The following BCKDHB variants were observed in gnomAD, a reference collection of about 807,000 sequenced individuals.
The protein encoded by BCKDHB is 2-oxoisovalerate dehydrogenase subunit beta, mitochondrial.
In BCKDHB, 41 loss-of-function variants were observed where a neutral mutation model predicts 48.5. That is an observed-to-expected ratio of 0.85 (90% CI 0.66 to 1.10). The LOEUF (loss-of-function observed/expected upper bound fraction) is 1.10. Ranked by LOEUF, BCKDHB falls within the 50% of genes least tolerant of loss-of-function variation. The probability of loss-of-function intolerance (pLI) is 0.00; values close to 1 mark genes in which losing one functional copy is unlikely to be tolerated. For missense variants in BCKDHB, 496 were observed against 494.2 expected (o/e 1.00, Z -0.03); for synonymous variants, 201 against 174.8 (o/e 1.15, Z -1.18).
chr6:80,458,469 G>A, the BCKDHB span, among the ~76,000 whole-genome samples: 1 of 152,316 alleles, frequency 6.6e-6, no homozygotes, highest in South Asian at 2.1e-4. Flanking sequence ...AAGGCAGACA[G>A]TGTGTATGGT....
chr6:80,410,688 A>T, the BCKDHB span, among the ~76,000 whole-genome samples: 2 of 152,090 alleles, frequency 1.3e-5, no homozygotes, highest in Non-Finnish European at 2.9e-5. Context: ...TTATTTCATT[A>T]ATTTGATCTT....
intron 7 of BCKDHB, among the ~76,000 whole-genome samples, chr6:80,202,813 A>G (rs1293713625): frequency 6.9e-6 from 1 of 144,588 alleles, no homozygotes; most frequent in Non-Finnish European, 1.5e-5. Flanking sequence ...CATGCTTTCT[A>G]CGTATTTGTA....
In BCKDHB at chr6:80,129,365, C is replaced by G. The variant is rs368796342; in HGVS notation, c.343+136C>G. 1.4e-5 allele frequency: 10 copies of G among 710,260 alleles called. No homozygotes were observed. In the Admixed American group the frequency reaches 2.1e-4, roughly 15 times the overall value. The allele number at this position is 710,260 out of a possible 1,614,324, so 44.0% of individuals were successfully genotyped here. ...ATTCCTTTTCATTTCCAACGCCACC[C>G]GCAGAATCCTTTGGCCTATATTTTC... On this transcript the variant is annotated intron_variant, in intron 3 of 9. Transcript: ENST00000320393.
the BCKDHB span, chr6:80,374,207 T>C: frequency 0.43 from 314,830 of 727,928 alleles, 73,366 homozygotes; most frequent in Admixed American, 0.65. Context: ...TCTTAGATGC[T>C]TTATTCATTT....
chr6:80,152,582 T>G (rs1771841718), intron 3 of BCKDHB, among the ~76,000 whole-genome samples: 1 of 152,156 alleles, frequency 6.6e-6, no homozygotes, highest in Non-Finnish European at 1.5e-5. Context: ...CATGACAGGG[T>G]GATTTCCAAA....
At chr6:80,214,696 CAT>C (rs1325230255) in intron 8 of BCKDHB, among the ~76,000 whole-genome samples, 1 of 152,180 alleles carries the variant, frequency 6.6e-6, no homozygotes, top group Non-Finnish European at 1.5e-5. Flanking sequence ...GTAAATTAAA[CAT>C]ATGTTATAAT....
the BCKDHB span, among the ~76,000 whole-genome samples, chr6:80,437,446 T>G: frequency 6.6e-6 from 1 of 152,180 alleles, no homozygotes; most frequent in Admixed American, 6.5e-5. Context: ...TTTAACCTTG[T>G]GTTGGCTTCA....
chr6:80,110,877 C>T (rs923316715), intron 1 of BCKDHB, among the ~76,000 whole-genome samples: 28 of 152,308 alleles, frequency 1.8e-4, no homozygotes, highest in South Asian at 2.1e-4. Flanking sequence ...TTGGCTGGCA[C>T]TGCTGTTTTA....
intron 8 of BCKDHB, among the ~76,000 whole-genome samples, chr6:80,242,805 T>G (rs963401147): frequency 6.6e-6 from 1 of 152,064 alleles, no homozygotes; most frequent in Non-Finnish European, 1.5e-5. Flanking sequence ...ATCTGGGGTA[T>G]AATAGTCCAC....
the BCKDHB span, among the ~76,000 whole-genome samples, chr6:80,419,046 G>A: frequency 6.6e-6 from 1 of 152,304 alleles, no homozygotes; most frequent in African/African-American, 2.4e-5. Flanking sequence ...TAGCATCAGA[G>A]CACAGTGCTC....
intron 8 of BCKDHB, among the ~76,000 whole-genome samples, chr6:80,254,079 C>G (rs998828454): frequency 1.1e-4 from 16 of 151,762 alleles, no homozygotes; most frequent in Non-Finnish European, 8.8e-5. Flanking sequence ...TGCAATGTGC[C>G]TCAGGTGTCA....
chr6:80,140,293 A>C lies in BCKDHB; in HGVS notation c.343+11064A>C, dbSNP rs532673376. ...CTCTTTTCCTAATTGAATACCTTTT[A>C]TTTCCTTCTCCTGCCTAATTGCCCT... On this transcript the variant is annotated intron_variant, in intron 3 of 9. Transcript: ENST00000320393. Among the ~76,000 whole-genome samples the C allele has an allele frequency of 1.7e-3, 260 of 152,224 alleles. 1 individual carries two copies. Among genetic ancestry groups the C allele is most frequent in the African/African-American group, 5.9e-3 (246 of 41,534 alleles).
At chr6:80,256,482 C>G (rs1024710544) in intron 8 of BCKDHB, among the ~76,000 whole-genome samples, 1 of 152,142 alleles carries the variant, frequency 6.6e-6, no homozygotes, top group Admixed American at 6.5e-5. Context: ...GGTTTATAAT[C>G]TTATGAGGCT....
At chr6:80,175,184 T>C (rs770061531) in intron 6 of BCKDHB, among the ~76,000 whole-genome samples, 13 of 152,094 alleles carry the variant, frequency 8.5e-5, no homozygotes, top group Non-Finnish European at 1.6e-4. Flanking sequence ...ATGCCACATA[T>C]GTATTTCAGC....
At chr6:80,131,972 A>T (rs543277367) in intron 3 of BCKDHB, among the ~76,000 whole-genome samples, 1 of 152,196 alleles carries the variant, frequency 6.6e-6, no homozygotes, top group East Asian at 1.9e-4. Flanking sequence ...TTAGGTAGCT[A>T]CCTGACCTCA....
At chr6:80,134,615 G>A (rs891034681) in intron 3 of BCKDHB, among the ~76,000 whole-genome samples, 14 of 152,016 alleles carry the variant, frequency 9.2e-5, no homozygotes, top group Non-Finnish European at 4.4e-5. Context: ...GTTTTTTCAT[G>A]CTTTGATTCC....
the BCKDHB span, among the ~76,000 whole-genome samples, chr6:80,410,127 T>G: frequency 3.3e-5 from 5 of 152,178 alleles, no homozygotes; most frequent in African/African-American, 1.2e-4. Flanking sequence ...CAGGAGCTCT[T>G]GTAAGGCAGG....
At chr6:80,165,780 G>T (rs1772539670) in intron 3 of BCKDHB, among the ~76,000 whole-genome samples, 1 of 152,186 alleles carries the variant, frequency 6.6e-6, no homozygotes, top group African/African-American at 2.4e-5. Flanking sequence ...TCCAAAATCT[G>T]CCTCCTTGTT....
chr6:80,318,859 T>C (rs1582560943), intron 9 of BCKDHB, among the ~76,000 whole-genome samples: 1 of 152,084 alleles, frequency 6.6e-6, no homozygotes, highest in South Asian at 2.1e-4. Context: ...AGGATATACA[T>C]AGATTATATG....
Sources: allele counts gnomAD v4.1 joint callset (sites outside exome capture counted in the v4.1 genomes callset), GRCh38; gene constraint gnomAD v4.1.1; transcripts MANE v1.5; gene names NCBI Gene and HGNC (gene_info 2026-07-23, HGNC 2026-07-21).